ROBO1: variants seen among roughly 807,000 people sequenced by gnomAD.
ROBO1 encodes the protein roundabout guidance receptor 1.
ROBO1 carries 149 observed loss-of-function variants against 195.9 expected under a neutral mutation model. The observed-to-expected ratio is 0.76, with a 90% CI of 0.67 to 0.87. ROBO1 has a LOEUF of 0.87. ROBO1 is among the 40% of genes least tolerant of loss of function. The probability of loss-of-function intolerance (pLI) is 0.00; values close to 1 mark genes in which losing one functional copy is unlikely to be tolerated. For missense variants in ROBO1, 1,933 were observed against 2,068.3 expected (o/e 0.93, Z 1.27); for synonymous variants, 816 against 733.2 (o/e 1.11, Z -1.82).
At chr3:79,333,731 C>A (rs767252521) in intron 2 of ROBO1, among the ~76,000 whole-genome samples, 1 of 152,138 alleles carries the variant, frequency 6.6e-6, no homozygotes, top group Non-Finnish European at 1.5e-5. Context: ...TACATTTAAG[C>A]CCCTCTTACA....
At chr3:79,088,633 C>G (rs191519552) in intron 3 of ROBO1, among the ~76,000 whole-genome samples, 409 of 152,184 alleles carry the variant, frequency 2.7e-3, no homozygotes, top group African/African-American at 9.4e-3. Context: ...CTTTCTTTCA[C>G]CAACAGGGGA....
At chr3:79,574,239 T>C (rs1379046137) in intron 2 of ROBO1, among the ~76,000 whole-genome samples, 1 of 152,098 alleles carries the variant, frequency 6.6e-6, no homozygotes, top group East Asian at 1.9e-4. Flanking sequence ...AATACAGCAC[T>C]TTCAATATTT....
chr3:79,378,821 A>G (rs2036471607), intron 2 of ROBO1, among the ~76,000 whole-genome samples: 1 of 152,212 alleles, frequency 6.6e-6, no homozygotes, highest in Non-Finnish European at 1.5e-5. Context: ...GCTTTGGTGT[A>G]CAAGACAACG....
intron 4 of ROBO1, among the ~76,000 whole-genome samples, chr3:78,885,089 A>C (rs1285800539): frequency 6.6e-6 from 1 of 152,160 alleles, no homozygotes; most frequent in African/African-American, 2.4e-5. Context: ...AAAAAGAAGG[A>C]GATCACGTCC....
intron 3 of ROBO1, among the ~76,000 whole-genome samples, chr3:78,950,324 T>C (rs865971083): frequency 6.6e-6 from 1 of 151,890 alleles, no homozygotes; most frequent in Non-Finnish European, 1.5e-5. Flanking sequence ...TGGAATACTA[T>C]GCAACCATAA....
At chr3:79,149,489 C>T (rs2080720781) in intron 2 of ROBO1, among the ~76,000 whole-genome samples, 1 of 151,468 alleles carries the variant, frequency 6.6e-6, no homozygotes, top group Admixed American at 6.6e-5. Flanking sequence ...GGTTCTGACG[C>T]TTATTCAGTC....
intron 3 of ROBO1, among the ~76,000 whole-genome samples, chr3:79,107,785 G>A (rs1266236093): frequency 6.6e-6 from 1 of 151,570 alleles, no homozygotes; most frequent in African/African-American, 2.4e-5. Flanking sequence ...CATATTTCTA[G>A]CATGTTTGAG....
intron 2 of ROBO1, among the ~76,000 whole-genome samples, chr3:79,410,590 GA>G (rs200707809): frequency 0.011 from 1,667 of 147,620 alleles, 16 homozygotes; most frequent in Non-Finnish European, 0.014. Context: ...GATTAAAGGA[GA>G]AAGAGGAAGA....
chr3:79,518,392 T>G (rs772800195), intron 2 of ROBO1, among the ~76,000 whole-genome samples: 3 of 152,118 alleles, frequency 2.0e-5, no homozygotes, highest in Non-Finnish European at 4.4e-5. Flanking sequence ...CAATGGCACA[T>G]GCTGCTCCTA....
chr3:79,142,700 A>G (rs1402404680), intron 2 of ROBO1, among the ~76,000 whole-genome samples: 1 of 152,038 alleles, frequency 6.6e-6, no homozygotes, highest in Non-Finnish European at 1.5e-5. Flanking sequence ...TACTATAGTA[A>G]CTAATACTCT....
chr3:78,901,127 A>G (rs2037557239), intron 4 of ROBO1, among the ~76,000 whole-genome samples: 2 of 152,238 alleles, frequency 1.3e-5, no homozygotes, highest in Admixed American at 6.5e-5. Flanking sequence ...GCAATTTTGC[A>G]CACGATGTCA....
chr3:79,113,348 G>A (rs1181327252), intron 3 of ROBO1, among the ~76,000 whole-genome samples: 1 of 151,712 alleles, frequency 6.6e-6, no homozygotes, highest in Non-Finnish European at 1.5e-5. Flanking sequence ...TCAGCAATTG[G>A]CAAAATAACA....
intron 2 of ROBO1, among the ~76,000 whole-genome samples, chr3:79,440,465 GC>G (rs2107118353): frequency 6.6e-6 from 1 of 152,186 alleles, no homozygotes; most frequent in Admixed American, 6.5e-5. Context: ...ATCACAGCCA[GC>G]TCGACTAAGA....
At chr3:79,464,344 C>G (rs1030627116) in intron 2 of ROBO1, among the ~76,000 whole-genome samples, 5 of 152,170 alleles carry the variant, frequency 3.3e-5, no homozygotes, top group Non-Finnish European at 5.9e-5. Context: ...AACTGCCAAA[C>G]AGTTTTCCAA....
At chr3:79,754,047 G>A (rs1476072266) in intron 1 of ROBO1, among the ~76,000 whole-genome samples, 2 of 152,092 alleles carry the variant, frequency 1.3e-5, no homozygotes, top group Admixed American at 1.3e-4. Flanking sequence ...AGGATACAAG[G>A]AAATACCTTG....
chr3:78,958,819 C>CTTTT (rs753439088), intron 3 of ROBO1, among the ~76,000 whole-genome samples: 2 of 130,604 alleles, frequency 1.5e-5, no homozygotes, highest in South Asian at 2.5e-4. Flanking sequence ...CTTTCTTCTT[C>CTTTT]TTTTTTTTTT....
chr3:78,856,654 T>A (rs1439059757), intron 4 of ROBO1, among the ~76,000 whole-genome samples: 2 of 151,172 alleles, frequency 1.3e-5, no homozygotes, highest in Non-Finnish European at 3.0e-5. Flanking sequence ...ATAATAAAAA[T>A]AAATAAAAAT....
At chr3:78,665,931 C>T (rs918542437) in intron 14 of ROBO1, among the ~76,000 whole-genome samples, 7 of 151,998 alleles carry the variant, frequency 4.6e-5, no homozygotes, top group African/African-American at 1.7e-4. Context: ...TGGCTGTGTC[C>T]TCACCCAAAT....
chr3:79,523,941 T>A (rs1575966343), intron 2 of ROBO1, among the ~76,000 whole-genome samples: 1 of 152,176 alleles, frequency 6.6e-6, no homozygotes, highest in East Asian at 1.9e-4. Context: ...TGACTGTATT[T>A]ATGGATATGT....
Sources: gnomAD v4.1 joint callset for allele counts (sites outside exome capture counted in the v4.1 genomes callset) on GRCh38, gnomAD v4.1.1 for gene constraint, MANE v1.5 for transcripts, NCBI Gene and HGNC (gene_info 2026-07-23, HGNC 2026-07-21) for gene names.